Variants in TENM3 observed in about 807,000 individuals in gnomAD.
TENM3 encodes teneurin-3.
Under a neutral mutation model 255.1 loss-of-function variants are expected in TENM3, and 63 were observed. The observed-to-expected ratio is 0.25, with a 90% confidence interval of 0.20 to 0.30. The LOEUF is 0.30. TENM3 is among the 10% of genes least tolerant of loss of function. The probability of loss-of-function intolerance (pLI) is 1.00; values close to 1 mark genes in which losing one functional copy is unlikely to be tolerated. For missense variants in TENM3, 2,929 were observed against 3,461.1 expected (o/e 0.85, Z 3.86); for synonymous variants, 1,306 against 1,322.3 (o/e 0.99, Z 0.27).
chr4:181,478,663 G>A, the TENM3 span, among the ~76,000 whole-genome samples: 2 of 152,090 alleles, frequency 1.3e-5, no homozygotes, highest in South Asian at 4.1e-4. Context: ...TTTCTCTTCA[G>A]CATACTTTCT....
intron 3 of TENM3, among the ~76,000 whole-genome samples, chr4:182,448,807 G>C (rs1428218476): frequency 6.8e-6 from 1 of 146,080 alleles, no homozygotes; most frequent in Non-Finnish European, 1.5e-5. Context: ...GCGGGGCGAG[G>C]GGGTGAGGCG....
At chr4:182,651,788 T>C (rs1753328951) in intron 5 of TENM3, among the ~76,000 whole-genome samples, 1 of 151,730 alleles carries the variant, frequency 6.6e-6, no homozygotes, top group South Asian at 2.1e-4. Flanking sequence ...ATTTAAAATA[T>C]ACAGGGTAGA....
intron 27 of TENM3, among the ~76,000 whole-genome samples, chr4:182,797,403 T>A (rs1220020025): frequency 6.6e-6 from 1 of 151,636 alleles, no homozygotes; most frequent in African/African-American, 2.4e-5. Flanking sequence ...CACGCCATTG[T>A]ACTCCAGCCT....
chr4:182,132,861 C>T, the TENM3 span, among the ~76,000 whole-genome samples: 1 of 152,230 alleles, frequency 6.6e-6, no homozygotes, highest in East Asian at 1.9e-4. Context: ...AATCCTGGCT[C>T]TTCTACTTAC....
intron 3 of TENM3, among the ~76,000 whole-genome samples, chr4:182,426,774 C>T (rs542903825): frequency 6.6e-6 from 1 of 152,018 alleles, no homozygotes; most frequent in Non-Finnish European, 1.5e-5. Flanking sequence ...TGATTCTGAA[C>T]CTACAGTTAA....
rs571907525 is a variant in TENM3 at position 182,248,714 on chromosome 4, T to C, written c.-76+5238T>C. ...TTCCTTCATTCATTCAACAAATAAT[T>C]ACATGCCTACTACGTGCCAGCTCAT... On this transcript the variant is annotated intron_variant, in intron 1 of 27. Coordinates refer to ENST00000511685, the MANE Select transcript of TENM3 (RefSeq NM_001080477.4). Among the ~76,000 whole-genome samples, 275 of 152,322 alleles carry C rather than the reference T, an allele frequency of 1.8e-3. 2 individuals are homozygous for C. The highest frequency in any genetic ancestry group is 3.4e-3 in the Middle Eastern group (1 of 294).
chr4:181,692,927 T>C, the TENM3 span, among the ~76,000 whole-genome samples: 1 of 152,082 alleles, frequency 6.6e-6, no homozygotes, highest in Non-Finnish European at 1.5e-5. Context: ...GGAGAGGACA[T>C]AGAAACTACT....
At chr4:182,508,843 T>C (rs1255009048) in intron 3 of TENM3, among the ~76,000 whole-genome samples, 1 of 152,246 alleles carries the variant, frequency 6.6e-6, no homozygotes, top group Admixed American at 6.5e-5. Flanking sequence ...GAATATTTTC[T>C]CTGCATGGAC....
the TENM3 span, among the ~76,000 whole-genome samples, chr4:181,973,422 A>C: frequency 6.6e-6 from 1 of 152,314 alleles, no homozygotes; most frequent in African/African-American, 2.4e-5. Flanking sequence ...CAGAGCAGAG[A>C]AAACGGAGAC....
the TENM3 span, among the ~76,000 whole-genome samples, chr4:181,896,857 C>A: frequency 3.9e-5 from 6 of 152,224 alleles, no homozygotes; most frequent in South Asian, 1.2e-3. Context: ...GGAGGCCTTG[C>A]CTGGTAGAAA....
At chr4:181,714,083 A>G in the TENM3 span, among the ~76,000 whole-genome samples, 16 of 152,314 alleles carry the variant, frequency 1.1e-4, no homozygotes, top group South Asian at 2.7e-3. Flanking sequence ...AGTGGTCCTC[A>G]GAAAACACTT....
rs546171268 is a variant in TENM3, at chr4:182,754,555, C to G, written c.4188C>G (p.His1396Gln). The G allele has an allele frequency of 6.2e-7, 1 of 1,613,912 alleles. No homozygotes were observed. The highest frequency in any genetic ancestry group is 8.5e-7 in the Non-Finnish European group (1 of 1,179,854). ...VPGVEYPVGKHAVQTTLESAT... is the reference protein window; with the variant it reads ...VPGVEYPVGKQAVQTTLESAT... ...GAGTGGAATATCCTGTGGGGAAGCACGCGGTGCAGACAACACTGGAATCAG... is the reference window on the plus strand; with the variant it reads ...GAGTGGAATATCCTGTGGGGAAGCAGGCGGTGCAGACAACACTGGAATCAG... Residue 1396 changes from histidine to glutamine, a missense_variant, in exon 22 of 28, where the codon CAC (histidine) becomes CAG (glutamine). Physicochemically the swap from His to Gln is conservative, Grantham distance 24. This residue lies in a region of TENM3 where 1,608 missense variants were observed against 1,884.4 expected (regional missense o/e 0.85). Coordinates refer to ENST00000511685, the MANE Select transcript of TENM3 (RefSeq NM_001080477.4). The surrounding 1 kb of genome is among the most constrained non-coding windows in gnomAD (Gnocchi z 5.1).
chr4:182,002,998 G>C, the TENM3 span, among the ~76,000 whole-genome samples: 1 of 151,968 alleles, frequency 6.6e-6, no homozygotes, highest in African/African-American at 2.4e-5. Context: ...CAGATCAACT[G>C]ACGTATTATG....
upstream of TENM3, chr4:182,142,889 C>T (rs1398515030): frequency 6.0e-6 from 1 of 166,950 alleles, no homozygotes; most frequent in Non-Finnish European, 1.5e-5. Flanking sequence ...CGCCGACCAC[C>T]CAGCCAGAGA....
chr4:182,463,346 A>C (rs191797827), intron 3 of TENM3, among the ~76,000 whole-genome samples: 1 of 152,326 alleles, frequency 6.6e-6, no homozygotes, highest in Admixed American at 6.5e-5. Flanking sequence ...AAACCACTAC[A>C]AAAACTGTGA....
chr4:181,803,465 C>T, the TENM3 span, among the ~76,000 whole-genome samples: 30 of 152,248 alleles, frequency 2.0e-4, no homozygotes, highest in Middle Eastern at 3.4e-3. Flanking sequence ...TGATATTGAA[C>T]GCATTTTACC....
At chr4:182,670,500 A>G (rs901251752) in intron 6 of TENM3, among the ~76,000 whole-genome samples, 2 of 152,166 alleles carry the variant, frequency 1.3e-5, no homozygotes, top group Non-Finnish European at 2.9e-5. Flanking sequence ...CAGGCTTCCC[A>G]CAGTTACTGC....
intron 7 of TENM3, among the ~76,000 whole-genome samples, chr4:182,675,988 A>G (rs1341014622): frequency 1.3e-5 from 2 of 152,210 alleles, no homozygotes; most frequent in Non-Finnish European, 2.9e-5. Context: ...CACGGTTATT[A>G]TAGTTTCTTC....
the TENM3 span, among the ~76,000 whole-genome samples, chr4:181,460,222 T>C: frequency 6.6e-6 from 1 of 151,988 alleles, no homozygotes; most frequent in Non-Finnish European, 1.5e-5. Flanking sequence ...GTAAATTCCA[T>C]GGGAAAAGTG....
Sources: gnomAD v4.1 joint callset for allele counts (sites outside exome capture counted in the v4.1 genomes callset) on GRCh38, gnomAD v4.1.1 for gene constraint, gnomAD v4.1.1 regional missense constraint, Gnocchi (gnomAD v3.1) non-coding constraint, MANE v1.5 for transcripts, NCBI Gene and HGNC (gene_info 2026-07-23, HGNC 2026-07-21) for gene names.